Variants in KCNT2 observed in about 807,000 individuals in gnomAD.
KCNT2 encodes the protein potassium sodium-activated channel subfamily T member 2, also known as potassium channel subfamily T member 2.
KCNT2 carries 67 observed loss-of-function variants against 153.8 expected under a neutral mutation model. The ratio of observed to expected loss-of-function variants is 0.44; its 90% CI spans 0.36 to 0.53. The LOEUF (loss-of-function observed/expected upper bound fraction) is 0.53, where lower values mean the gene tolerates loss of function less well. KCNT2 is among the 20% of genes least tolerant of loss of function. KCNT2 has a pLI of 0.00. For missense variants in KCNT2, 975 were observed against 1,354.8 expected (o/e 0.72, Z 4.40); for synonymous variants, 500 against 458.8 (o/e 1.09, Z -1.15).
At chr1:196,362,373 C>A (rs1342689065) in intron 14 of KCNT2, among the ~76,000 whole-genome samples, 1 of 152,042 alleles carries the variant, frequency 6.6e-6, no homozygotes, top group Non-Finnish European at 1.5e-5. Context: ...TCCCTTATCA[C>A]AGTGTTTAGA....
At chr1:196,263,553 T>G (rs966487362) in intron 25 of KCNT2, among the ~76,000 whole-genome samples, 3 of 152,050 alleles carry the variant, frequency 2.0e-5, no homozygotes, top group African/African-American at 7.3e-5. Flanking sequence ...GGTTGATGGG[T>G]GCAGCAAACC....
chr1:196,274,086 C>T (rs1658328548), intron 25 of KCNT2, among the ~76,000 whole-genome samples: 1 of 151,332 alleles, frequency 6.6e-6, no homozygotes, highest in East Asian at 1.9e-4. Context: ...GATTTTTTCT[C>T]CTACATACAT....
intron 22 of KCNT2, among the ~76,000 whole-genome samples, chr1:196,294,299 C>A (rs1660477902): frequency 6.6e-6 from 1 of 152,062 alleles, no homozygotes; most frequent in African/African-American, 2.4e-5. Flanking sequence ...TTTTTTGAGA[C>A]TGAATCTCGC....
At chr1:196,289,090 G>T (rs972171242) in intron 22 of KCNT2, among the ~76,000 whole-genome samples, 2 of 151,856 alleles carry the variant, frequency 1.3e-5, no homozygotes, top group Admixed American at 6.6e-5. Context: ...TACTTAAAAA[G>T]ATATTTTTAT....
intron 1 of KCNT2, among the ~76,000 whole-genome samples, chr1:196,563,459 A>T (rs990330134): frequency 2.2e-5 from 1 of 46,358 alleles, no homozygotes; most frequent in Non-Finnish European, 4.1e-5. Flanking sequence ...AAGAAAAAAG[A>T]AAAAAAAAAA....
intron 1 of KCNT2, among the ~76,000 whole-genome samples, chr1:196,577,921 A>T (rs922930739): frequency 2.0e-5 from 3 of 152,218 alleles, no homozygotes; most frequent in Admixed American, 6.5e-5. Flanking sequence ...AAGCAAAAAA[A>T]TATAATACAC....
intron 1 of KCNT2, among the ~76,000 whole-genome samples, chr1:196,592,152 T>C (rs1401381463): frequency 6.6e-6 from 1 of 152,054 alleles, no homozygotes; most frequent in Non-Finnish European, 1.5e-5. Context: ...GAAAATGTGG[T>C]ACATATACAC....
chr1:196,321,874 T>A (rs1023633694), intron 19 of KCNT2, among the ~76,000 whole-genome samples: 6 of 152,040 alleles, frequency 3.9e-5, no homozygotes, highest in African/African-American at 1.2e-4. Context: ...AAATACATTG[T>A]CAACAGTGTT....
chr1:196,545,777 A>C (rs918888016), intron 1 of KCNT2, among the ~76,000 whole-genome samples: 1 of 129,400 alleles, frequency 7.7e-6, no homozygotes, highest in Admixed American at 1.0e-4. Flanking sequence ...AGATTAGCCT[A>C]TTCTAAATAT....
Position 196,373,194 on chromosome 1 carries a change from A to G in KCNT2, c.1349T>C (p.Ile450Thr). The change falls in exon 14 of 28, where the codon ATA (isoleucine) becomes ACA (threonine). Residue 450 changes from isoleucine (I) to threonine (T), a missense_variant. By Grantham distance (89) the Ile-to-Thr change is moderately conservative (BLOSUM62 -1). Coordinates refer to ENST00000294725, the MANE Select transcript of KCNT2 (RefSeq NM_198503.5). ...AATAAGTGTAGATGTTGCTGGGCAT[A>G]TACAGTTTAAAGCTAACATGGCGTA... ...FKYAMLALNC[I>T]CPATSTLITL... 7 of 1,592,086 alleles carry G rather than the reference A, an allele frequency of 4.4e-6. No homozygotes were observed. The highest frequency in any genetic ancestry group is 6.0e-6 in the Non-Finnish European group (7 of 1,161,200).
intron 16 of KCNT2, among the ~76,000 whole-genome samples, chr1:196,335,644 C>T (rs1227319777): frequency 6.6e-6 from 1 of 152,166 alleles, no homozygotes; most frequent in Non-Finnish European, 1.5e-5. Flanking sequence ...CTCTGGCCTT[C>T]CAAGCTTCTT....
intron 1 of KCNT2, among the ~76,000 whole-genome samples, chr1:196,502,800 A>T (rs1572659972): frequency 6.6e-6 from 1 of 152,138 alleles, no homozygotes; most frequent in Admixed American, 6.5e-5. Flanking sequence ...AACTCTCTGT[A>T]CTTCCCCATT....
chr1:196,486,127 T>C (rs556589865), intron 3 of KCNT2, among the ~76,000 whole-genome samples: 65 of 152,076 alleles, frequency 4.3e-4, no homozygotes, highest in African/African-American at 1.5e-3. Context: ...CATACCAGTA[T>C]GTATATGTTA....
intron 22 of KCNT2, among the ~76,000 whole-genome samples, chr1:196,302,605 T>C (rs1196644973): frequency 6.6e-6 from 1 of 152,062 alleles, no homozygotes; most frequent in Non-Finnish European, 1.5e-5. Context: ...TGTCTGTATA[T>C]CTAAATTCAC....
intron 25 of KCNT2, among the ~76,000 whole-genome samples, chr1:196,270,851 G>T (rs1471715050): frequency 2.0e-5 from 3 of 151,500 alleles, no homozygotes; most frequent in Admixed American, 1.3e-4. Flanking sequence ...GTGTGTGTGT[G>T]CATGTATGTG....
At chr1:196,497,330 C>G (rs1299371878) in intron 1 of KCNT2, among the ~76,000 whole-genome samples, 1 of 152,094 alleles carries the variant, frequency 6.6e-6, no homozygotes, top group Non-Finnish European at 1.5e-5. Context: ...TTTAGTAGTA[C>G]TTAGGTACTA....
chr1:196,234,131 A>G (rs1261950138), intron 27 of KCNT2, among the ~76,000 whole-genome samples: 2 of 151,428 alleles, frequency 1.3e-5, no homozygotes, highest in Admixed American at 6.6e-5. Flanking sequence ...TGATCATTAC[A>G]TATTTTATGC....
intron 1 of KCNT2, among the ~76,000 whole-genome samples, chr1:196,549,037 G>C (rs1657534423): frequency 6.6e-6 from 1 of 152,038 alleles, no homozygotes; most frequent in Admixed American, 6.6e-5. Context: ...ATAGCATTGG[G>C]AGATATACCT....
Position 196,288,985 on chromosome 1 carries a change from T to G in KCNT2, c.2596-3227A>C, listed in dbSNP as rs1200250589. Reference sequence around the variant, plus strand: ...TTAAGCTCTCTGTTCCTCAGTTTTATAACTGTGAATTGGGATTCATATTGA... The same window carrying G: ...TTAAGCTCTCTGTTCCTCAGTTTTAGAACTGTGAATTGGGATTCATATTGA... On this transcript the variant is annotated intron_variant, in intron 22 of 27. Coordinates refer to ENST00000294725, the MANE Select transcript of KCNT2 (RefSeq NM_198503.5). Among the ~76,000 whole-genome samples the G allele has an allele frequency of 2.0e-5, 3 of 152,266 alleles. No individual in the cohort carries two copies. In the South Asian group the frequency reaches 6.2e-4, roughly 32 times the overall value.
Sources: allele counts gnomAD v4.1 joint callset (sites outside exome capture counted in the v4.1 genomes callset), GRCh38; gene constraint gnomAD v4.1.1; transcripts MANE v1.5; gene names NCBI Gene and HGNC (gene_info 2026-07-23, HGNC 2026-07-21).